Variants in IRS1 observed in about 807,000 individuals in gnomAD.
IRS1 encodes the protein insulin receptor substrate 1.
A neutral mutation model predicts 65.6 loss-of-function variants in IRS1; 34 were observed. The ratio of observed to expected loss-of-function variants is 0.52; its 90% CI spans 0.39 to 0.69. The LOEUF is 0.69. IRS1 is among the 30% of genes least tolerant of loss of function. The probability of loss-of-function intolerance (pLI) is 0.00; values close to 1 mark genes in which losing one functional copy is unlikely to be tolerated. For missense variants in IRS1, 1,641 were observed against 1,720.2 expected, an observed-to-expected ratio of 0.95 and a Z score of 0.81; for synonymous variants, 699 against 683.5, an observed-to-expected ratio of 1.02 and a Z score of -0.35.
intron 1 of IRS1, among the ~76,000 whole-genome samples, chr2:226,759,991 G>C (rs1054698012): frequency 6.6e-6 from 1 of 152,212 alleles, no homozygotes; most frequent in Non-Finnish European, 1.5e-5. Flanking sequence ...CCTGGCCAAC[G>C]TGGCAAAACC....
At chr2:226,791,842 A>G (rs1303973957) in intron 1 of IRS1, among the ~76,000 whole-genome samples, 1 of 151,984 alleles carries the variant, frequency 6.6e-6, no homozygotes, top group Non-Finnish European at 1.5e-5. Flanking sequence ...AAGGGGCCCC[A>G]CCGCCCTGGA....
Position 226,794,867 on chromosome 2 carries a change from G to C in IRS1, c.*21+122C>G, listed in dbSNP as rs3769647. 0.074 allele frequency: 65,068 copies of C among 874,140 alleles called. 3,532 individuals carry two copies. The highest frequency in any genetic ancestry group is 0.17 in the East Asian group (7,234 of 41,434). 54.1% of individuals were successfully genotyped at this position (874,140 alleles called of 1,614,324 possible). On this transcript the variant is annotated intron_variant, in intron 1 of 1. Transcript: ENST00000305123. This position sits in a 1 kb window ranked among gnomAD's most constrained non-coding sequence, Gnocchi z 4.1. ...TGAGCATCTTGTGTGCCCTGAGAAT[G>C]TAAGTGCATTCTCCCTGAGGAAGCA...
intron 1 of IRS1, among the ~76,000 whole-genome samples, chr2:226,781,177 TG>T (rs1222876243): frequency 2.6e-5 from 4 of 152,206 alleles, no homozygotes; most frequent in Non-Finnish European, 1.5e-5. Flanking sequence ...ATAAAAGATT[TG>T]GGCATTTTCT....
At chr2:226,746,835 G>A (rs1294678710) in intron 1 of IRS1, among the ~76,000 whole-genome samples, 2 of 147,158 alleles carry the variant, frequency 1.4e-5, no homozygotes, top group Non-Finnish European at 3.0e-5. Context: ...TGTCACCCAG[G>A]CTGGGCTGCA....
rs894297593 is a variant in IRS1, at chr2:226,798,598, G to T, written c.141C>A (p.Tyr47Ter). Residue 47 changes from tyrosine (Y) to a stop codon, truncating the protein, a stop_gained, in exon 1 of 2, where the codon TAC (tyrosine) becomes TAA (stop). Coordinates refer to ENST00000305123, the MANE Select transcript of IRS1 (RefSeq NM_005544.3). LOFTEE classifies it high-confidence loss of function. This position sits in a 1 kb window ranked among gnomAD's most constrained non-coding sequence, Gnocchi z 9.4. ...EAGGPARLEY[Y>*]ENEKKWRHKS... ...TGTGCCGCCACTTCTTCTCGTTCTC[G>T]TAGTACTCGAGGCGCGCCGGGCCCC... 2 of 1,613,604 alleles carry T rather than the reference G, an allele frequency of 1.2e-6. No individual in the cohort carries two copies. Among genetic ancestry groups the T allele is most frequent in the Non-Finnish European group, 1.7e-6 (2 of 1,179,822 alleles).
At chr2:226,745,153 A>G (rs761033465) in intron 1 of IRS1, among the ~76,000 whole-genome samples, 14 of 152,226 alleles carry the variant, frequency 9.2e-5, no homozygotes, top group Non-Finnish European at 1.6e-4. Context: ...GTCAATGTAA[A>G]AGGAGCAAGG....
chr2:226,797,850 C>G lies in IRS1; in HGVS notation c.889G>C (p.Val297Leu). 1 of 1,599,804 alleles carries G rather than the reference C, an allele frequency of 6.3e-7. No homozygotes were observed. ...HHLNNPPPSQ[V>L]GLTRRSRTES... ...GTGCGTGATCGGCGGGTCAGCCCCA[C>G]CTGGCTGGGCGGGGGATTGTTGAGA... Residue 297 changes from valine (V) to leucine (L), a missense_variant, in exon 1 of 2, where the codon GTG (valine) becomes CTG (leucine). Physicochemically the swap from Val to Leu is conservative, Grantham distance 32. Transcript: ENST00000305123. The surrounding 1 kb of genome is among the most constrained non-coding windows in gnomAD (Gnocchi z 8.1).
Position 226,797,327 on chromosome 2 carries a change from T to C in IRS1, c.1412A>G (p.Lys471Arg), listed in dbSNP as rs763246616. 2 of 1,613,178 alleles carry C rather than the reference T, an allele frequency of 1.2e-6. No homozygotes were observed. The highest frequency in any genetic ancestry group is 1.7e-6 in the Non-Finnish European group (2 of 1,179,970). Residue 471 changes from lysine to arginine, a missense_variant, in exon 1 of 2, where the codon AAG becomes AGG. Physicochemically the swap from Lys to Arg is conservative, Grantham distance 26. Around this residue, in one of 3 missense-constraint regions of IRS1, gnomAD observed 1,324 missense variants for 1,361.0 expected, o/e 0.97. Coordinates refer to ENST00000305123, the MANE Select transcript of IRS1 (RefSeq NM_005544.3). This position sits in a 1 kb window ranked among gnomAD's most constrained non-coding sequence, Gnocchi z 8.1. ...ELSNYICMGGKGPSTLTAPNG... is the reference protein window; with the variant it reads ...ELSNYICMGGRGPSTLTAPNG... ...GGGGGCGGTCAGGGTGGAGGGCCCCTTGCCACCCATGCAGATATAGTTGCT... is the reference window on the plus strand; with the variant it reads ...GGGGGCGGTCAGGGTGGAGGGCCCCCTGCCACCCATGCAGATATAGTTGCT...
intron 1 of IRS1, among the ~76,000 whole-genome samples, chr2:226,769,718 C>A (rs1412560596): frequency 2.6e-5 from 4 of 152,132 alleles, no homozygotes; most frequent in Non-Finnish European, 4.4e-5. Context: ...TTGTCGTTAT[C>A]TCTAGAAAAC....
chr2:226,759,606 A>C (rs1010868027), intron 1 of IRS1, among the ~76,000 whole-genome samples: 3 of 152,244 alleles, frequency 2.0e-5, no homozygotes, highest in Non-Finnish European at 4.4e-5. Flanking sequence ...GCAGAGAAAC[A>C]CTTTTATGAT....
chr2:226,776,653 T>A (rs763559314), intron 1 of IRS1, among the ~76,000 whole-genome samples: 13 of 152,254 alleles, frequency 8.5e-5, no homozygotes, highest in Non-Finnish European at 1.6e-4. Context: ...ATGCCTGCAA[T>A]CCCAGCATTT....
chr2:226,750,482 A>C (rs1406338796), intron 1 of IRS1, among the ~76,000 whole-genome samples: 1 of 152,190 alleles, frequency 6.6e-6, no homozygotes, highest in Non-Finnish European at 1.5e-5. Flanking sequence ...AAATTAAAAA[A>C]TGGGGACTTC....
Position 226,795,969 on chromosome 2 carries a change from G to C in IRS1, c.2770C>G (p.Pro924Ala). The change falls in exon 1 of 2, where the codon CCA becomes GCA. Residue 924 changes from proline to alanine, a missense_variant. By Grantham distance (27) the Pro-to-Ala change is conservative. Coordinates refer to ENST00000305123, the MANE Select transcript of IRS1 (RefSeq NM_005544.3). Reference sequence around the variant, plus strand: ...CTGGGAGCTGGCTGGAGCTGGGATGGACACCTGACAGAAGGTGAGCTGTGG... The same window carrying C: ...CTGGGAGCTGGCTGGAGCTGGGATGCACACCTGACAGAAGGTGAGCTGTGG... ...AFHSSPSVRC[P>A]SQLQPAPREE... The C allele has an allele frequency of 6.2e-7, 1 of 1,614,098 alleles. No individual in the cohort carries two copies. The highest frequency in any genetic ancestry group is 2.2e-5 in the East Asian group (1 of 44,886).
In IRS1 at chr2:226,795,194, A is replaced by T. The variant is rs1939686130; in HGVS notation, c.3545T>A (p.Leu1182Gln). ...GLENGLNYID[L>Q]DLVKDFKQCP... Reference sequence around the variant, plus strand: ...CTGTTTGAAGTCCTTGACCAAATCCAGGTCTATGTAGTTAAGACCATTCTC... The same window carrying T: ...CTGTTTGAAGTCCTTGACCAAATCCTGGTCTATGTAGTTAAGACCATTCTC... Residue 1182 changes from leucine to glutamine, a missense_variant, in exon 1 of 2, where the codon CTG becomes CAG. Leu to Gln is a moderately radical substitution (Grantham distance 113). Transcript: ENST00000305123. 3 of 1,614,020 alleles carry T rather than the reference A, an allele frequency of 1.9e-6. No individual in the cohort carries two copies. Among genetic ancestry groups the T allele is most frequent in the Non-Finnish European group, 2.5e-6 (3 of 1,180,004 alleles).
In IRS1 at chr2:226,798,013, G is replaced by A; in HGVS notation, c.726C>T (p.Asp242=). The change falls in exon 1 of 2, where the codon GAC becomes GAT. Residue 242 remains aspartate (D), a synonymous_variant. Coordinates refer to ENST00000305123, the MANE Select transcript of IRS1 (RefSeq NM_005544.3). The surrounding 1 kb of genome is among the most constrained non-coding windows in gnomAD (Gnocchi z 9.4). ...GPGEFWMQVD[D]SVVAQNMHET... is the part of the protein sequence containing the mutation. ...CGTGCATGTTCTGGGCCACCACAGA[G>A]TCATCCACCTGCATCCAGAACTCCC... 3 of 1,614,098 alleles carry A rather than the reference G, an allele frequency of 1.9e-6. No individual in the cohort carries two copies. The highest frequency in any genetic ancestry group is 2.5e-6 in the Non-Finnish European group (3 of 1,180,010).
At chr2:226,756,205 C>A (rs1018667719) in intron 1 of IRS1, among the ~76,000 whole-genome samples, 2 of 152,164 alleles carry the variant, frequency 1.3e-5, no homozygotes, top group Non-Finnish European at 2.9e-5. Context: ...TTATCTTATA[C>A]CCGCATGTCT....
At chr2:226,745,630 G>C (rs868719452) in intron 1 of IRS1, among the ~76,000 whole-genome samples, 1 of 152,310 alleles carries the variant, frequency 6.6e-6, no homozygotes, top group Middle Eastern at 3.4e-3. Context: ...GGTTCTCGTT[G>C]AGATTAAATG....
chr2:226,751,838 A>G (rs1407709187), intron 1 of IRS1, among the ~76,000 whole-genome samples: 1 of 152,188 alleles, frequency 6.6e-6, no homozygotes, highest in Non-Finnish European at 1.5e-5. Flanking sequence ...AGTGAAATAC[A>G]TCGCCCTGCC....
intron 1 of IRS1, among the ~76,000 whole-genome samples, chr2:226,767,907 GT>G (rs1431182236): frequency 6.6e-6 from 1 of 152,114 alleles, no homozygotes; most frequent in African/African-American, 2.4e-5. Context: ...AACATGGTGA[GT>G]GGTCCAGGCA....
Sources: allele counts gnomAD v4.1 joint callset (sites outside exome capture counted in the v4.1 genomes callset), GRCh38; gene constraint gnomAD v4.1.1; regional missense constraint gnomAD v4.1.1; non-coding constraint Gnocchi (gnomAD v3.1); transcripts MANE v1.5; gene names NCBI Gene and HGNC (gene_info 2026-07-23, HGNC 2026-07-21).